Variants in NSD1 observed in about 807,000 individuals in gnomAD.
NSD1 encodes nuclear receptor binding SET domain protein 1.
In NSD1, 26 loss-of-function variants were observed where a neutral mutation model predicts 242.7. The observed-to-expected ratio is 0.11, with a 90% CI of 0.08 to 0.15. The LOEUF is 0.15. Ranked by LOEUF, NSD1 falls within the 10% of genes least tolerant of loss-of-function variation. The pLI is 1.00. For synonymous variants in NSD1, 1,106 were observed against 1,178.1 expected, an observed-to-expected ratio of 0.94 and a Z score of 1.25; for missense variants, 2,495 against 3,272.8, an observed-to-expected ratio of 0.76 and a Z score of 5.80.
Position 177,149,480 on chromosome 5 carries a change from A to G in NSD1, c.927+13450A>G, listed in dbSNP as rs563043509. Among the ~76,000 whole-genome samples, 6 of 152,238 alleles carry G rather than the reference A, an allele frequency of 3.9e-5. No individual in the cohort carries two copies. In the South Asian group the frequency reaches 1.2e-3, roughly 32 times the overall value. On this transcript the variant is annotated intron_variant, in intron 2 of 22. Transcript: ENST00000439151. Reference sequence around the variant, plus strand: ...GGTGAGCTGCCCACCTCGGCCTCCCAAAGTGCTGGGATTACAGTTTTGTAT... The same window carrying G: ...GGTGAGCTGCCCACCTCGGCCTCCCGAAGTGCTGGGATTACAGTTTTGTAT...
intron 2 of NSD1, among the ~76,000 whole-genome samples, chr5:177,158,268 T>TC (rs1491335286): frequency 2.9e-5 from 3 of 103,886 alleles, no homozygotes; most frequent in African/African-American, 1.6e-4. Flanking sequence ...TTTCTTTCTT[T>TC]CTTTCTTTCT....
intron 20 of NSD1, 55 bp from the exon 21 acceptor site, chr5:177,288,764 A>C (rs982250022): frequency 7.8e-7 from 1 of 1,282,330 alleles, no homozygotes; most frequent in African/African-American, 1.5e-5. Flanking sequence ...TAATTAATAC[A>C]GAAATAATGT....
intron 2 of NSD1, among the ~76,000 whole-genome samples, chr5:177,178,206 T>C (rs1581215764): frequency 6.6e-6 from 1 of 152,138 alleles, no homozygotes; most frequent in African/African-American, 2.4e-5. Context: ...CATTAAAATA[T>C]TTTAATAGAC....
At chr5:177,181,890 C>T (rs148357561) in intron 2 of NSD1, among the ~76,000 whole-genome samples, 248 of 150,486 alleles carry the variant, frequency 1.6e-3, no homozygotes, top group African/African-American at 5.8e-3. Flanking sequence ...CAGTGGCTCA[C>T]GCCTGTAATC....
chr5:177,175,270 A>G (rs138217600), intron 2 of NSD1, among the ~76,000 whole-genome samples: 2 of 152,148 alleles, frequency 1.3e-5, no homozygotes, highest in Non-Finnish European at 2.9e-5. Context: ...GGTTATGCTT[A>G]ATTTTCCGTA....
chr5:177,191,727 A>C (rs1479683796), intron 2 of NSD1, among the ~76,000 whole-genome samples, 157 bp from the exon 3 acceptor site: 1 of 152,234 alleles, frequency 6.6e-6, no homozygotes, highest in Non-Finnish European at 1.5e-5. Context: ...TTAAGATGGA[A>C]TAATTTAGTT....
At chr5:177,284,396 G>A (rs1196742726) in intron 20 of NSD1, among the ~76,000 whole-genome samples, 1 of 151,928 alleles carries the variant, frequency 6.6e-6, no homozygotes, top group African/African-American at 2.4e-5. Context: ...TGCTGCCTCA[G>A]CCTCCTGAGT....
At chr5:177,191,741 C>A in intron 2 of NSD1, 143 bp from the exon 3 acceptor site, 2 of 798,562 alleles carry the variant, frequency 2.5e-6, no homozygotes, top group Non-Finnish European at 4.1e-6. Flanking sequence ...TTTAGTTGTA[C>A]TTATTTTGTA....
intron 2 of NSD1, among the ~76,000 whole-genome samples, chr5:177,165,851 A>T (rs1242506192): frequency 2.0e-5 from 3 of 151,218 alleles, no homozygotes; most frequent in East Asian, 2.0e-4. Context: ...CTAGCCTTCT[A>T]GCCTTGGCCT....
Position 177,238,650 on chromosome 5 carries a change from G to A in NSD1, c.4192+143G>A. 2.2e-6 allele frequency: 2 copies of A among 921,638 alleles called. No individual in the cohort carries two copies. Among genetic ancestry groups the A allele is most frequent in the Non-Finnish European group, 3.4e-6 (2 of 586,164 alleles). The allele number at this position is 921,638 out of a possible 1,614,324, so 57.1% of individuals were successfully genotyped here. On this transcript the variant is annotated intron_variant, in intron 7 of 22. Coordinates refer to ENST00000439151, the MANE Select transcript of NSD1 (RefSeq NM_022455.5). The surrounding 1 kb of genome is among the most constrained non-coding windows in gnomAD (Gnocchi z 4.6). ...TGTCCTGGGAAATACTTAAAATGAT[G>A]GTTAATTAGATATAGTTACTAACCA...
chr5:177,219,427 C>T (rs185918665), intron 5 of NSD1, among the ~76,000 whole-genome samples: 14 of 152,046 alleles, frequency 9.2e-5, no homozygotes, highest in Non-Finnish European at 4.4e-5. Context: ...CCTTGTTATC[C>T]TCCTGTCTCC....
chr5:177,238,228 T>C lies in NSD1; in HGVS notation c.3922-9T>C. ...GCCTGTGGACTCTATTTTTATTTTTTGTTCTTAGGTAAGTTCCCGCTGTGA... is the reference window on the plus strand; with the variant it reads ...GCCTGTGGACTCTATTTTTATTTTTCGTTCTTAGGTAAGTTCCCGCTGTGA... On this transcript the variant is annotated splice_polypyrimidine_tract_variant and intron_variant, in intron 6 of 22. Transcript: ENST00000439151. The surrounding 1 kb of genome is among the most constrained non-coding windows in gnomAD (Gnocchi z 4.6). The C allele has an allele frequency of 1.2e-6, 2 of 1,614,208 alleles. No individual in the cohort carries two copies. Among genetic ancestry groups the C allele is most frequent in the Non-Finnish European group, 1.7e-6 (2 of 1,180,038 alleles).
chr5:177,290,270 A>C (rs1374150238), intron 21 of NSD1, among the ~76,000 whole-genome samples: 4 of 150,954 alleles, frequency 2.6e-5, no homozygotes, highest in African/African-American at 9.8e-5. Context: ...TGAAAATTGC[A>C]GTTTAATTTT....
chr5:177,219,961 CA>C (rs557660794), intron 5 of NSD1, among the ~76,000 whole-genome samples: 14 of 144,108 alleles, frequency 9.7e-5, no homozygotes, highest in African/African-American at 7.6e-5. Flanking sequence ...GATCCTGTGT[CA>C]AAAAAAAAAG....
chr5:177,207,932 G>A (rs1763027616), intron 4 of NSD1, among the ~76,000 whole-genome samples: 2 of 151,334 alleles, frequency 1.3e-5, no homozygotes, highest in Non-Finnish European at 2.9e-5. Context: ...GCGTGTGTGT[G>A]TGTGTGTTTT....
chr5:177,158,048 T>C (rs1413173830), intron 2 of NSD1, among the ~76,000 whole-genome samples: 2 of 152,242 alleles, frequency 1.3e-5, no homozygotes, highest in Non-Finnish European at 2.9e-5. Flanking sequence ...TTACAGGCAG[T>C]GCTACTGTGA....
chr5:177,186,485 C>G (rs1413776516), intron 2 of NSD1, among the ~76,000 whole-genome samples: 1 of 151,882 alleles, frequency 6.6e-6, no homozygotes, highest in Admixed American at 6.6e-5. Flanking sequence ...AGAAGTGCAA[C>G]ATAGGTTTGA....
intron 3 of NSD1, among the ~76,000 whole-genome samples, chr5:177,198,770 T>C (rs1007528221): frequency 4.6e-5 from 7 of 152,202 alleles, no homozygotes; most frequent in African/African-American, 1.7e-4. Context: ...TGAATTCATA[T>C]CCTTAGTGAT....
intron 6 of NSD1, among the ~76,000 whole-genome samples, chr5:177,236,757 A>G (rs954900211): frequency 6.6e-6 from 1 of 152,372 alleles, no homozygotes; most frequent in Admixed American, 6.5e-5. Context: ...TAGCTAGACT[A>G]TATCAGAGAT....
Sources: allele counts gnomAD v4.1 joint callset (sites outside exome capture counted in the v4.1 genomes callset), GRCh38; gene constraint gnomAD v4.1.1; non-coding constraint Gnocchi (gnomAD v3.1); transcripts MANE v1.5; gene names NCBI Gene and HGNC (gene_info 2026-07-23, HGNC 2026-07-21).